Variants in FIBCD1 observed in about 807,000 individuals in gnomAD.
FIBCD1 encodes fibrinogen C domain containing 1, also known as fibrinogen C domain-containing protein 1.
FIBCD1 carries 47 observed loss-of-function variants against 45.1 expected under a neutral mutation model. The ratio of observed to expected loss-of-function variants is 1.04; its 90% CI spans 0.82 to 1.33. The LOEUF (loss-of-function observed/expected upper bound fraction) is 1.33. Among genes scored for constraint, FIBCD1 ranks in the 40% most tolerant of loss-of-function variants. The probability of loss-of-function intolerance (pLI) is 0.00; values close to 1 mark genes in which losing one functional copy is unlikely to be tolerated. For synonymous variants in FIBCD1, 313 were observed against 308.1 expected (o/e 1.02, Z -0.17); for missense variants, 653 against 682.2 (o/e 0.96, Z 0.48).
chr9:130,904,323 C>T lies in FIBCD1; in HGVS notation c.1127G>A (p.Gly376Asp), dbSNP rs575897906. 1 of 1,604,978 alleles carries T rather than the reference C, an allele frequency of 6.2e-7. No individual in the cohort carries two copies. The highest frequency in any genetic ancestry group is 1.3e-5 in the African/African-American group (1 of 74,960). ...GCCGCTGTGCTTCAGGAGGGAGTCG[C>T]CTGCGCAGGGGTGCACACAGGTGTG... ...LTVADYSGTA[G>D]DSLLKHSGMR... Residue 376 changes from glycine to aspartate, a missense_variant and splice_region_variant, in exon 7 of 7, where the codon GGC (glycine) becomes GAC (aspartate). By Grantham distance (94) the Gly-to-Asp change is moderately conservative. Transcript: ENST00000372338.
intron 4 of FIBCD1, among the ~76,000 whole-genome samples, chr9:130,914,398 C>T (rs987165788): frequency 2.6e-5 from 4 of 152,228 alleles, no homozygotes. Flanking sequence ...GGACCCCAAC[C>T]GTGCAAGAGG....
intron 5 of FIBCD1, among the ~76,000 whole-genome samples, chr9:130,908,847 G>A (rs1588103255): frequency 6.6e-6 from 1 of 152,108 alleles, no homozygotes; most frequent in African/African-American, 2.4e-5. Context: ...TGCTCTCATG[G>A]GCCCCGGTGA....
chr9:130,904,697 G>A lies in FIBCD1; in HGVS notation c.1127-374C>T, dbSNP rs542742960. The stretch of plus-strand genomic sequence containing the variant: ...CACACTTTAGAGACCCAGCGGACCC[G>A]AACCCCGGGTCTCCTGATTCCTGGC... On this transcript the variant is annotated intron_variant, in intron 6 of 6. Coordinates refer to ENST00000372338, the MANE Select transcript of FIBCD1 (RefSeq NM_032843.5). Among the ~76,000 whole-genome samples the A allele has an allele frequency of 5.9e-5, 9 of 152,276 alleles. No individual in the cohort carries two copies. In the East Asian group the frequency reaches 1.6e-3, roughly 26 times the overall value.
At chr9:130,911,925 A>G in intron 4 of FIBCD1, 37 bp from the exon 5 acceptor site, 1 of 1,536,160 alleles carries the variant, frequency 6.5e-7, no homozygotes, top group African/African-American at 1.4e-5. Flanking sequence ...GTTGGCACCG[A>G]CCATCCCAGG....
Position 130,911,792 on chromosome 9 carries a change from C to G in FIBCD1, c.946G>C (p.Gly316Arg), listed in dbSNP as rs751371909. Residue 316 changes from glycine to arginine, a missense_variant and splice_region_variant, in exon 5 of 7, where the codon GGG becomes CGG. Coordinates refer to ENST00000372338, the MANE Select transcript of FIBCD1 (RefSeq NM_032843.5). ...GCCGGATGGTGGGTGGGGTGCTCAC[C>G]TAGCCAGTGCTCCCCGGTGAGCCTG... ...FGRLTGEHWLGLKRIHALTTQ... is the reference protein window; with the variant it reads ...FGRLTGEHWLRLKRIHALTTQ... The G allele has an allele frequency of 6.3e-7, 1 of 1,597,710 alleles. No individual in the cohort carries two copies. Among genetic ancestry groups the G allele is most frequent in the Admixed American group, 1.7e-5 (1 of 58,386 alleles).
intron 4 of FIBCD1, among the ~76,000 whole-genome samples, chr9:130,915,197 C>A (rs539024271): frequency 6.6e-6 from 1 of 152,306 alleles, no homozygotes; most frequent in Non-Finnish European, 1.5e-5. Context: ...GGTCCCTGCA[C>A]CCACAGTCCT....
chr9:130,935,484 C>CT (rs1832504469), intron 1 of FIBCD1, among the ~76,000 whole-genome samples: 1 of 152,266 alleles, frequency 6.6e-6, no homozygotes, highest in Admixed American at 6.5e-5. Flanking sequence ...AAATCGGCAA[C>CT]TTGTCCAAGG....
chr9:130,939,284 C>G (rs569119379), upstream of FIBCD1: 1 of 152,102 alleles, frequency 6.6e-6, no homozygotes, highest in Non-Finnish European at 1.5e-5. Flanking sequence ...CGGGGAGTGG[C>G]GCGGCGCTCC....
chr9:130,905,885 ACCT>A (rs1831919180), intron 5 of FIBCD1, among the ~76,000 whole-genome samples: 1 of 151,946 alleles, frequency 6.6e-6, no homozygotes, highest in African/African-American at 2.4e-5. Flanking sequence ...AGGCTGCCTG[ACCT>A]CCTGTCGGCG....
At chr9:130,919,474 T>C (rs1281249995) in intron 4 of FIBCD1, among the ~76,000 whole-genome samples, 2 of 152,208 alleles carry the variant, frequency 1.3e-5, no homozygotes, top group African/African-American at 4.8e-5. Context: ...GAGGTCCTGC[T>C]GCTCAGCCTC....
intron 5 of FIBCD1, among the ~76,000 whole-genome samples, chr9:130,907,705 C>G (rs960498093): frequency 4.2e-4 from 64 of 152,124 alleles, no homozygotes; most frequent in Non-Finnish European, 7.9e-4. Context: ...CGAGACCAGC[C>G]TAGCCAATAT....
chr9:130,904,469 G>A, intron 6 of FIBCD1, 146 bp from the exon 7 acceptor site: 5 of 1,198,220 alleles, frequency 4.2e-6, no homozygotes, highest in South Asian at 1.5e-5. Flanking sequence ...ATACTGCTGT[G>A]CACGCGTGCA....
chr9:130,912,681 T>C (rs1832080182), intron 4 of FIBCD1, among the ~76,000 whole-genome samples: 1 of 147,882 alleles, frequency 6.8e-6, no homozygotes, highest in South Asian at 2.1e-4. Context: ...CACTCCAGCC[T>C]GGGTGATAGA....
In FIBCD1 at chr9:130,924,414, T is replaced by G. The variant is rs201227004; in HGVS notation, c.553-18A>C. On this transcript the variant is annotated intron_variant, in intron 2 of 6. Coordinates refer to ENST00000372338, the MANE Select transcript of FIBCD1 (RefSeq NM_032843.5). ...GAGAGAAGCTGCGGAGCACAGGGGGTGAGCCGAGGGGGCAGGGGCTCTGTT... is the reference window on the plus strand; with the variant it reads ...GAGAGAAGCTGCGGAGCACAGGGGGGGAGCCGAGGGGGCAGGGGCTCTGTT... The G allele has an allele frequency of 2.5e-6, 4 of 1,594,524 alleles. No homozygotes were observed. The East Asian group carries it at 9.1e-5, about 36-fold the overall frequency.
At chr9:130,935,455 G>A (rs534572894) in intron 1 of FIBCD1, among the ~76,000 whole-genome samples, 39 of 152,348 alleles carry the variant, frequency 2.6e-4, no homozygotes, top group African/African-American at 9.1e-4. Flanking sequence ...GGGAGAGGGA[G>A]GACGCATTAA....
intron 5 of FIBCD1, among the ~76,000 whole-genome samples, chr9:130,906,418 G>A (rs1053362156): frequency 6.6e-5 from 10 of 152,138 alleles, no homozygotes; most frequent in South Asian, 2.1e-4. Flanking sequence ...GAGGCTGTGC[G>A]GATCCTCCCC....
intron 1 of FIBCD1, chr9:130,936,305 GGCAA>G (rs1390760546): frequency 3.3e-5 from 5 of 152,312 alleles, no homozygotes; most frequent in Admixed American, 2.0e-4. Context: ...AGGGAACCAG[GGCAA>G]GCAGTGTTCT....
At position 130,911,802 on chromosome 9, in the gene FIBCD1, CTCCCCGGTGAGCCTGCCAAAGCCG is replaced by C; in HGVS notation, c.912_935del (p.Asp304_Gly311del). 6.2e-7 allele frequency: 1 copy of C among 1,600,996 alleles called. No individual in the cohort carries two copies. Among genetic ancestry groups the C allele is most frequent in the Non-Finnish European group, 8.5e-7 (1 of 1,174,844 alleles). ...GGGTGGGGTGCTCACCTAGCCAGTG[CTCCCCGGTGAGCCTGCCAAAGCCG>C]TCTCGGTACGCATCCCAGCCCCGGA... is the stretch of plus-strand genomic sequence containing the variant. On this transcript the variant is annotated inframe_deletion, in exon 5 of 7. Coordinates refer to ENST00000372338, the MANE Select transcript of FIBCD1 (RefSeq NM_032843.5).
rs369690143 is a variant in FIBCD1 at position 130,923,767 on chromosome 9, G to A, written c.826C>T (p.Arg276Cys). 1.5e-4 allele frequency: 236 copies of A among 1,612,490 alleles called. No homozygotes were observed. The highest frequency in any genetic ancestry group is 1.9e-4 in the Non-Finnish European group (219 of 1,179,932). The change falls in exon 4 of 7, where the codon CGC (arginine) becomes TGC (cysteine). Residue 276 changes from arginine to cysteine, a missense_variant. Coordinates refer to ENST00000372338, the MANE Select transcript of FIBCD1 (RefSeq NM_032843.5). ...PAGFQVYCDM[R>C]TDGGGWTVFQ... ...ACCGTCCAGCCGCCGCCGTCCGTGCGCATGTCACAGTACACCTGGAAGCCG... is the reference window on the plus strand; with the variant it reads ...ACCGTCCAGCCGCCGCCGTCCGTGCACATGTCACAGTACACCTGGAAGCCG...
Sources: allele counts gnomAD v4.1 joint callset (sites outside exome capture counted in the v4.1 genomes callset), GRCh38; gene constraint gnomAD v4.1.1; transcripts MANE v1.5; gene names NCBI Gene and HGNC (gene_info 2026-07-23, HGNC 2026-07-21).